Variants in PLXDC1 observed in about 807,000 individuals in gnomAD.
The protein encoded by PLXDC1 is plexin domain-containing protein 1.
Under a neutral mutation model 61.3 loss-of-function variants are expected in PLXDC1, and 39 were observed. The ratio of observed to expected loss-of-function variants is 0.64; its 90% CI spans 0.49 to 0.83. The LOEUF is 0.83. Among genes scored for constraint, PLXDC1 ranks in the 40% least tolerant of loss-of-function variants. The probability of loss-of-function intolerance (pLI) is 0.00; values close to 1 mark genes in which losing one functional copy is unlikely to be tolerated. For synonymous variants in PLXDC1, 212 were observed against 254.5 expected, an observed-to-expected ratio of 0.83 and a Z score of 1.59; for missense variants, 596 against 666.5, an observed-to-expected ratio of 0.89 and a Z score of 1.17.
intron 7 of PLXDC1, among the ~76,000 whole-genome samples, chr17:39,096,012 T>A (rs1156899126): frequency 6.6e-6 from 1 of 152,200 alleles, no homozygotes; most frequent in African/African-American, 2.4e-5. Flanking sequence ...CATGTCCCTT[T>A]GTGTTTCAAT....
At chr17:39,106,925 T>C (rs1322066597) in intron 6 of PLXDC1, among the ~76,000 whole-genome samples, 8 of 151,992 alleles carry the variant, frequency 5.3e-5, no homozygotes, top group Non-Finnish European at 8.8e-5. Context: ...GTGCTGGGTT[T>C]GCAGGTGTGA....
intron 9 of PLXDC1, chr17:39,079,552 G>A (rs777613996): frequency 2.2e-6 from 1 of 457,754 alleles, no homozygotes; most frequent in South Asian, 1.5e-5. Context: ...AGAGAGTAGG[G>A]CTAAAGGTAG....
chr17:39,107,426 A>T lies in PLXDC1; in HGVS notation c.692T>A (p.Ile231Asn). Reference protein sequence around the residue: ...FQAALHHDGRIVFAYKEIPMS... With the variant: ...FQAALHHDGRNVFAYKEIPMS... ...ACTCACCTCTTTATAGGCAAAGACA[A>T]TGCGGCCGTCATGGTGCAGAGCTGC... Residue 231 changes from isoleucine (I) to asparagine (N), a missense_variant, in exon 6 of 14, where the codon ATT becomes AAT. Transcript: ENST00000315392. 6.2e-7 allele frequency: 1 copy of T among 1,611,704 alleles called. No homozygotes were observed. Among genetic ancestry groups the T allele is most frequent in the Non-Finnish European group, 8.5e-7 (1 of 1,178,244 alleles).
In PLXDC1 at chr17:39,128,039, G is replaced by A. The variant is rs532163867; in HGVS notation, c.255+11615C>T. On this transcript the variant is annotated intron_variant, in intron 2 of 13. Coordinates refer to ENST00000315392, the MANE Select transcript of PLXDC1 (RefSeq NM_020405.5). ...ATGAAGTACCACTTCATACCCACTA[G>A]GACAGCTCTCTCTCTCTCTCTCTCT... Among the ~76,000 whole-genome samples the A allele has an allele frequency of 6.8e-4, 86 of 127,386 alleles. 1 individual carries two copies. Among genetic ancestry groups the A allele is most frequent in the African/African-American group, 2.6e-3 (85 of 33,080 alleles). 83.6% of individuals were successfully genotyped at this position (127,386 alleles called of 152,430 possible). A position where few individuals can be genotyped will look rare whatever the true frequency, so the allele number is the denominator to read the frequency against.
At chr17:39,106,024 C>A in intron 6 of PLXDC1, 71 bp from the exon 7 acceptor site, 1 of 1,001,814 alleles carries the variant, frequency 1.0e-6, no homozygotes, top group South Asian at 1.5e-5. Context: ...CCCCTGTGAG[C>A]TCCAGACCCA....
chr17:39,084,841 CG>C (rs1278341605), intron 8 of PLXDC1, among the ~76,000 whole-genome samples: 1 of 152,138 alleles, frequency 6.6e-6, no homozygotes, highest in Non-Finnish European at 1.5e-5. Context: ...GCAGTAGGCA[CG>C]GGGGCTGGAT....
intron 2 of PLXDC1, among the ~76,000 whole-genome samples, chr17:39,128,672 T>C (rs1347817526): frequency 6.6e-6 from 1 of 152,114 alleles, no homozygotes; most frequent in Non-Finnish European, 1.5e-5. Context: ...AGAGTTACCA[T>C]ATGACCCAGC....
chr17:39,134,617 C>T (rs1399476318), intron 2 of PLXDC1, among the ~76,000 whole-genome samples: 2 of 141,732 alleles, frequency 1.4e-5, no homozygotes, highest in Non-Finnish European at 3.0e-5. Context: ...CAGAGCAAGA[C>T]TTTGTCTCTA....
intron 11 of PLXDC1, chr17:39,073,157 T>G (rs948338486): frequency 6.6e-6 from 1 of 152,338 alleles, no homozygotes; most frequent in South Asian, 2.1e-4. Flanking sequence ...CAAGTGATCC[T>G]CCCACCTCAG....
At chr17:39,141,877 G>A (rs965296968) in intron 1 of PLXDC1, among the ~76,000 whole-genome samples, 15 of 152,114 alleles carry the variant, frequency 9.9e-5, no homozygotes, top group African/African-American at 3.1e-4. Context: ...ATATCTCATC[G>A]TTTTTATAAA....
At chr17:39,096,812 A>C in intron 7 of PLXDC1, 1 of 419,336 alleles carries the variant, frequency 2.4e-6, no homozygotes, top group Admixed American at 2.8e-5. Flanking sequence ...AGAGTTTCTT[A>C]AGCAAATGAA....
intron 2 of PLXDC1, among the ~76,000 whole-genome samples, chr17:39,117,173 GC>G (rs1204405466): frequency 6.6e-6 from 1 of 152,174 alleles, no homozygotes; most frequent in Non-Finnish European, 1.5e-5. Flanking sequence ...GCAGACAGTG[GC>G]AACTAGCCCT....
chr17:39,092,043 T>C (rs1471030549), intron 7 of PLXDC1, among the ~76,000 whole-genome samples: 1 of 151,646 alleles, frequency 6.6e-6, no homozygotes, highest in Non-Finnish European at 1.5e-5. Context: ...GATTAACCCA[T>C]AGACAGATAC....
chr17:39,146,736 G>A (rs2045344829), intron 1 of PLXDC1, among the ~76,000 whole-genome samples: 1 of 151,008 alleles, frequency 6.6e-6, no homozygotes, highest in Non-Finnish European at 1.5e-5. Context: ...CATGCCTGCA[G>A]TCCCAGCTAC....
intron 5 of PLXDC1, 106 bp from the exon 6 acceptor site, chr17:39,107,631 G>C (rs1910644348): frequency 1.2e-6 from 1 of 831,076 alleles, no homozygotes. Flanking sequence ...GTCCCTTCGG[G>C]ATGATGGGGA....
chr17:39,139,326 G>A (rs992694504), intron 2 of PLXDC1, among the ~76,000 whole-genome samples: 1 of 152,190 alleles, frequency 6.6e-6, no homozygotes, highest in African/African-American at 2.4e-5. Flanking sequence ...GACTCATAAG[G>A]CCACTGTCAG....
At chr17:39,131,237 A>G (rs1170939585) in intron 2 of PLXDC1, among the ~76,000 whole-genome samples, 1 of 152,132 alleles carries the variant, frequency 6.6e-6, no homozygotes, top group African/African-American at 2.4e-5. Context: ...CTGTGTCAGG[A>G]CCAAGATCGA....
In PLXDC1 at chr17:39,149,006, C is replaced by T. The variant is rs554796597; in HGVS notation, c.76+2356G>A. Among the ~76,000 whole-genome samples the T allele has an allele frequency of 3.2e-4, 49 of 152,242 alleles. No homozygotes were observed. The South Asian group carries it at 6.2e-3, about 19-fold the overall frequency. ...CTCTCGCTGCCTCTTCTTTATCTGT[C>T]ATATGCACCTCTGGTTCCATCTGAC... On this transcript the variant is annotated intron_variant, in intron 1 of 13. Coordinates refer to ENST00000315392, the MANE Select transcript of PLXDC1 (RefSeq NM_020405.5).
intron 6 of PLXDC1, among the ~76,000 whole-genome samples, chr17:39,107,196 C>T (rs1454533403): frequency 6.6e-6 from 1 of 152,236 alleles, no homozygotes; most frequent in Non-Finnish European, 1.5e-5. Flanking sequence ...GAGCGCTTGT[C>T]ACAGTGGTGA....
Sources: gnomAD v4.1 joint callset for allele counts (sites outside exome capture counted in the v4.1 genomes callset) on GRCh38, gnomAD v4.1.1 for gene constraint, MANE v1.5 for transcripts, NCBI Gene and HGNC (gene_info 2026-07-23, HGNC 2026-07-21) for gene names.